Variants in POGLUT2 observed in about 807,000 individuals in gnomAD.
POGLUT2 encodes protein O-glucosyltransferase 2.
A neutral mutation model predicts 57.6 loss-of-function variants in POGLUT2; 47 were observed. The ratio of observed to expected loss-of-function variants is 0.82; its 90% CI spans 0.65 to 1.04. The LOEUF is 1.04. Ranked by LOEUF, POGLUT2 falls within the 50% of genes least tolerant of loss-of-function variation. The probability of loss-of-function intolerance (pLI) is 0.00; values close to 1 mark genes in which losing one functional copy is unlikely to be tolerated. For missense variants in POGLUT2, 565 were observed against 614.8 expected, an observed-to-expected ratio of 0.92 and a Z score of 0.86; for synonymous variants, 200 against 218.8, an observed-to-expected ratio of 0.91 and a Z score of 0.76.
chr13:102,787,740 G>GT (rs1229416990), intron 8 of POGLUT2, 94 bp downstream of exon 8: 1 of 596,192 alleles, frequency 1.7e-6, no homozygotes, highest in African/African-American at 1.8e-5. Flanking sequence ...TCTCCCTATA[G>GT]TAACATATGT....
At chr13:102,796,051 C>T (rs953629973) in intron 2 of POGLUT2, among the ~76,000 whole-genome samples, 12 of 151,986 alleles carry the variant, frequency 7.9e-5, no homozygotes, top group Non-Finnish European at 1.8e-4. Context: ...AATCCCAGCA[C>T]TTTGGGAGAC....
At chr13:102,793,892 A>G in intron 2 of POGLUT2, 86 bp from the exon 3 acceptor site, 1 of 1,222,006 alleles carries the variant, frequency 8.2e-7, no homozygotes, top group Non-Finnish European at 1.2e-6. Context: ...ATGTGGCTTC[A>G]TGAATTTTGC....
chr13:102,797,146 T>C (rs1397530811), intron 1 of POGLUT2, 137 bp from the exon 2 acceptor site: 3 of 614,152 alleles, frequency 4.9e-6, no homozygotes, highest in African/African-American at 1.8e-5. Flanking sequence ...TCTTCTCTTA[T>C]GCTTTTAGTA....
chr13:102,791,395 C>T lies in POGLUT2; in HGVS notation c.708G>A (p.Leu236=), dbSNP rs746910442. The change falls in exon 5 of 10, where the codon TTG becomes TTA. Residue 236 remains leucine (L), a synonymous_variant. Transcript: ENST00000376004. ...KMPDVELFVN[L]GDWPLEKKKS... ...TCTTTTTTTCCAAAGGCCAGTCTCC[C>T]AAATTAACAAAGAGCTCCACATCTG... 10 of 1,602,436 alleles carry T rather than the reference C, an allele frequency of 6.2e-6. No homozygotes were observed. The highest frequency in any genetic ancestry group is 8.5e-6 in the Non-Finnish European group (10 of 1,177,172).
intron 6 of POGLUT2, 99 bp downstream of exon 6, chr13:102,790,802 C>T (rs1878135605): frequency 9.7e-6 from 8 of 827,220 alleles, no homozygotes; most frequent in African/African-American, 1.7e-5. Context: ...CTAACTTCTC[C>T]CACCTCTTGA....
chr13:102,789,640 C>T (rs948145969), intron 6 of POGLUT2, among the ~76,000 whole-genome samples: 2 of 152,230 alleles, frequency 1.3e-5, no homozygotes, highest in African/African-American at 4.8e-5. Flanking sequence ...CTCTGTCACT[C>T]AGGCTGGAGT....
chr13:102,796,293 C>CAAAAAAAAAAA (rs151064207), intron 2 of POGLUT2, among the ~76,000 whole-genome samples: 19 of 100,724 alleles, frequency 1.9e-4, no homozygotes, highest in African/African-American at 6.3e-4. Context: ...GACTCTGCCT[C>CAAAAAAAAAAA]AAAAAAAAAA....
Position 102,792,158 on chromosome 13 carries a change from T to C in POGLUT2, c.673-728A>G, listed in dbSNP as rs955625090. 5.2e-6 allele frequency: 6 copies of C among 1,156,332 alleles called. No homozygotes were observed. The Admixed American group carries it at 2.3e-4, about 45-fold the overall frequency. The allele number at this position is 1,156,332 out of a possible 1,614,324, so 71.6% of individuals were successfully genotyped here. A position where few individuals can be genotyped will look rare whatever the true frequency, so the allele number is the denominator to read the frequency against. ...CTACCTACATTCAGAATTAACAGACTGTAAGTGCTTTGAAATCTTGAAAAA... is the reference window on the plus strand; with the variant it reads ...CTACCTACATTCAGAATTAACAGACCGTAAGTGCTTTGAAATCTTGAAAAA... On this transcript the variant is annotated intron_variant, in intron 4 of 9. Transcript: ENST00000376004.
chr13:102,784,640 C>T (rs998828269), intron 9 of POGLUT2, 128 bp from the exon 10 acceptor site: 27 of 632,942 alleles, frequency 4.3e-5, no homozygotes, highest in African/African-American at 4.1e-4. Context: ...GCTTTTAGGG[C>T]TTGGGACTAT....
At chr13:102,796,644 T>G (rs1284802591) in intron 2 of POGLUT2, among the ~76,000 whole-genome samples, 160 bp downstream of exon 2, 2 of 147,040 alleles carry the variant, frequency 1.4e-5, no homozygotes, top group African/African-American at 5.0e-5. Flanking sequence ...ACTCATAACT[T>G]AGCTTTCAAG....
intron 9 of POGLUT2, among the ~76,000 whole-genome samples, chr13:102,784,748 G>T (rs1392452818): frequency 6.6e-6 from 1 of 152,158 alleles, no homozygotes; most frequent in Non-Finnish European, 1.5e-5. Flanking sequence ...TACTGTAAAG[G>T]CCTCATGTTA....
chr13:102,787,570 G>A (rs1281184763), intron 8 of POGLUT2, among the ~76,000 whole-genome samples: 1 of 152,158 alleles, frequency 6.6e-6, no homozygotes, highest in Non-Finnish European at 1.5e-5. Context: ...AACTTTGTAG[G>A]ATCAGAGGCC....
Position 102,794,768 on chromosome 13 carries a change from T to C in POGLUT2, c.389-962A>G, listed in dbSNP as rs1373786439. 2.0e-5 allele frequency among the ~76,000 whole-genome samples: 3 copies of C among 152,124 alleles called. No individual in the cohort carries two copies. In the East Asian group the frequency reaches 5.8e-4, roughly 29 times the overall value. On this transcript the variant is annotated intron_variant, in intron 2 of 9. Coordinates refer to ENST00000376004, the MANE Select transcript of POGLUT2 (RefSeq NM_024089.3). ...AGACTGAAGAATAACCAAATACTGG[T>C]AAAAGGGTATCAGAGGAGCATACCT...
rs1199544730 is a variant in POGLUT2 at position 102,791,320 on chromosome 13, A to C, written c.783T>G (p.Asp261Glu). ...HPIFSWCGST[D>E]SKDIVMPTYD... ...ACGTAGGCATCACGATATCCTTGGA[A>C]TCTGTGGAGCCACACCAGGAAAAGA... is the stretch of plus-strand genomic sequence containing the variant. The change falls in exon 5 of 10, where the codon GAT (aspartate) becomes GAG (glutamate). Residue 261 changes from aspartate (D) to glutamate (E), a missense_variant. Asp to Glu is a conservative substitution (Grantham distance 45). Coordinates refer to ENST00000376004, the MANE Select transcript of POGLUT2 (RefSeq NM_024089.3). 2 of 1,611,772 alleles carry C rather than the reference A, an allele frequency of 1.2e-6. No homozygotes were observed. The highest frequency in any genetic ancestry group is 2.2e-5 in the South Asian group (2 of 90,460).
intron 8 of POGLUT2, among the ~76,000 whole-genome samples, chr13:102,787,244 AC>A (rs1231720402): frequency 6.6e-6 from 1 of 151,878 alleles, no homozygotes; most frequent in Non-Finnish European, 1.5e-5. Context: ...ACGGGGTTTC[AC>A]CATGTTGGCC....
chr13:102,786,776 G>GAACA (rs1877961219), intron 8 of POGLUT2, among the ~76,000 whole-genome samples: 1 of 152,092 alleles, frequency 6.6e-6, no homozygotes, highest in Non-Finnish European at 1.5e-5. Flanking sequence ...CTAAATGAAT[G>GAACA]AACACTGCCC....
At chr13:102,785,451 TACAC>T (rs56102018) in intron 9 of POGLUT2, among the ~76,000 whole-genome samples, 19,416 of 148,434 alleles carry the variant, frequency 0.13, 1,636 homozygotes, top group East Asian at 0.38. Context: ...CAGCATATGT[TACAC>T]ACACACACAC....
chr13:102,787,799 T>C (rs1878010544), intron 8 of POGLUT2, 35 bp downstream of exon 8: 1 of 1,179,166 alleles, frequency 8.5e-7, no homozygotes, highest in East Asian at 2.4e-5. Context: ...TGTCTACTTA[T>C]AAGTTACGTG....
In POGLUT2 at chr13:102,793,808, T is replaced by C. The variant is rs1878276370; in HGVS notation, c.389-2A>G. ...CACAGTTCTCATGGTAAACCGGCCCTATTTACATAAGAATAACAAAGTACA... is the reference window on the plus strand; with the variant it reads ...CACAGTTCTCATGGTAAACCGGCCCCATTTACATAAGAATAACAAAGTACA... On this transcript the variant is annotated splice_acceptor_variant, in intron 2 of 9. Transcript: ENST00000376004. LOFTEE classifies it high-confidence loss of function. The C allele has an allele frequency of 3.1e-6, 5 of 1,613,234 alleles. No homozygotes were observed. The highest frequency in any genetic ancestry group is 3.4e-6 in the Non-Finnish European group (4 of 1,179,128).
Sources: gnomAD v4.1 joint callset for allele counts (sites outside exome capture counted in the v4.1 genomes callset) on GRCh38, gnomAD v4.1.1 for gene constraint, MANE v1.5 for transcripts, NCBI Gene and HGNC (gene_info 2026-07-23, HGNC 2026-07-21) for gene names.